CACNB2: variants seen among roughly 807,000 people sequenced by gnomAD.
CACNB2 encodes calcium voltage-gated channel auxiliary subunit beta 2, also known as voltage-dependent L-type calcium channel subunit beta-2.
In CACNB2, 42 loss-of-function variants were observed where a neutral mutation model predicts 73.3. That is an observed-to-expected ratio of 0.57 (90% CI 0.45 to 0.74). The LOEUF is 0.74. CACNB2 is among the 30% of genes least tolerant of loss of function. CACNB2 has a pLI of 0.00. For missense variants in CACNB2, 940 were observed against 853.0 expected, an observed-to-expected ratio of 1.10 and a Z score of -1.27; for synonymous variants, 348 against 310.3, an observed-to-expected ratio of 1.12 and a Z score of -1.28.
chr10:18,539,222 G>C lies in CACNB2; in HGVS notation c.1489-8G>C, dbSNP rs557859826. On this transcript the variant is annotated splice_polypyrimidine_tract_variant and splice_region_variant and intron_variant, in intron 13 of 13. Transcript: ENST00000324631. ...GGTTAACGCCTGGTGTGCTCCTTTC[G>C]CTGCCAGGGTTCTCAAGGTGATCAG... 6.2e-6 allele frequency: 10 copies of C among 1,613,864 alleles called. No homozygotes were observed. The highest frequency in any genetic ancestry group is 5.0e-5 in the Admixed American group (3 of 59,990).
At chr10:18,334,366 A>T (rs2040919890) in intron 2 of CACNB2, among the ~76,000 whole-genome samples, 1 of 152,096 alleles carries the variant, frequency 6.6e-6, no homozygotes, top group African/African-American at 2.4e-5. Flanking sequence ...AGATCCCAGG[A>T]GCTGCTTTTG....
At chr10:18,463,599 T>G (rs1399329918) in intron 3 of CACNB2, among the ~76,000 whole-genome samples, 4 of 147,242 alleles carry the variant, frequency 2.7e-5, no homozygotes, top group African/African-American at 9.9e-5. Context: ...TTTTTTGTTG[T>G]TTTTTGTTTT....
In CACNB2 at chr10:18,421,597, G is replaced by GCCCA. The variant is rs1224159803; in HGVS notation, c.333+19555_333+19558dup. On this transcript the variant is annotated intron_variant, in intron 3 of 13. Coordinates refer to ENST00000324631, the MANE Select transcript of CACNB2 (RefSeq NM_201596.3). ...TTACAGGCCTGAGCCACCGTGCCTG[G>GCCCA]CCCAGTATGGTATTTTTAAAAGGTT... 2.6e-5 allele frequency among the ~76,000 whole-genome samples: 4 copies of GCCCA among 152,182 alleles called. No individual in the cohort carries two copies. In the East Asian group the frequency reaches 5.8e-4, roughly 22 times the overall value.
intron 2 of CACNB2, among the ~76,000 whole-genome samples, chr10:18,274,109 G>A (rs1588907347): frequency 6.6e-6 from 1 of 152,130 alleles, no homozygotes; most frequent in African/African-American, 2.4e-5. Flanking sequence ...TAAGTCGGAT[G>A]TCCTGGGCGC....
At position 18,409,014 on chromosome 10, in the gene CACNB2, C is replaced by T. The variant is rs141798101; in HGVS notation, c.333+6971C>T. Reference sequence around the variant, plus strand: ...ACCACAGGCATGCGCCACCATGCCTCGCTAACATTTTTTAAAATTTTTTTT... The same window carrying T: ...ACCACAGGCATGCGCCACCATGCCTTGCTAACATTTTTTAAAATTTTTTTT... On this transcript the variant is annotated intron_variant, in intron 3 of 13. Transcript: ENST00000324631. Among the ~76,000 whole-genome samples the T allele has an allele frequency of 7.3e-3, 1,103 of 150,536 alleles. 12 individuals carry two copies. Among genetic ancestry groups the T allele is most frequent in the Non-Finnish European group, 0.012 (785 of 67,888 alleles).
intron 2 of CACNB2, among the ~76,000 whole-genome samples, chr10:18,367,204 A>G (rs1482076385): frequency 9.1e-6 from 1 of 109,482 alleles, no homozygotes; most frequent in Non-Finnish European, 1.9e-5. Context: ...TATAAAACAA[A>G]TAGTATTTTT....
Position 18,525,751 on chromosome 10 carries a change from A to T in CACNB2, c.945-1837A>T, listed in dbSNP as rs914688589. ...TGAACTCCTGTAATTTGGAATTTGA[A>T]CCTCTTGGGTTATGTCTACTTTTCT... On this transcript the variant is annotated intron_variant, in intron 9 of 13. Transcript: ENST00000324631. Among the ~76,000 whole-genome samples the T allele has an allele frequency of 4.0e-5, 6 of 150,636 alleles. No homozygotes were observed. The East Asian group carries it at 1.2e-3, about 29-fold the overall frequency.
At chr10:18,288,144 G>A (rs911299820) in intron 2 of CACNB2, among the ~76,000 whole-genome samples, 1 of 152,128 alleles carries the variant, frequency 6.6e-6, no homozygotes, top group Non-Finnish European at 1.5e-5. Context: ...GATTACCTCT[G>A]TAAAGACCTT....
chr10:18,202,618 A>G (rs2034930347), intron 2 of CACNB2, among the ~76,000 whole-genome samples: 1 of 152,236 alleles, frequency 6.6e-6, no homozygotes, highest in African/African-American at 2.4e-5. Flanking sequence ...GATTTAGTAT[A>G]GTTCCTGGAA....
At chr10:18,144,495 C>T (rs1028688942) in intron 1 of CACNB2, among the ~76,000 whole-genome samples, 5 of 152,154 alleles carry the variant, frequency 3.3e-5, no homozygotes, top group African/African-American at 7.2e-5. Flanking sequence ...ACAGTTTCAG[C>T]GTGAACCTGG....
At chr10:18,188,661 G>T (rs1041465068) in intron 2 of CACNB2, among the ~76,000 whole-genome samples, 3 of 151,920 alleles carry the variant, frequency 2.0e-5, no homozygotes, top group African/African-American at 7.3e-5. Context: ...TGCTTATTTT[G>T]GAAAATTTGG....
intron 2 of CACNB2, among the ~76,000 whole-genome samples, chr10:18,197,070 A>G (rs1399575911): frequency 6.6e-6 from 1 of 151,890 alleles, no homozygotes; most frequent in Non-Finnish European, 1.5e-5. Flanking sequence ...CCCATAGGGA[A>G]CCTCATTATG....
intron 2 of CACNB2, among the ~76,000 whole-genome samples, chr10:18,300,723 C>T (rs917855894): frequency 3.3e-5 from 5 of 152,116 alleles, no homozygotes; most frequent in African/African-American, 4.8e-5. Context: ...GTGGTGGGCA[C>T]CTGTAATCCC....
At chr10:18,286,333 G>T (rs538461517) in intron 2 of CACNB2, among the ~76,000 whole-genome samples, 5 of 151,636 alleles carry the variant, frequency 3.3e-5, no homozygotes, top group South Asian at 2.1e-4. Context: ...TGGCTAACAC[G>T]GTGAAACCCC....
At chr10:18,314,383 C>T (rs1589018106) in intron 2 of CACNB2, among the ~76,000 whole-genome samples, 1 of 152,128 alleles carries the variant, frequency 6.6e-6, no homozygotes, top group South Asian at 2.1e-4. Flanking sequence ...TGACTCTGTT[C>T]ACAACATGGG....
intron 3 of CACNB2, among the ~76,000 whole-genome samples, chr10:18,461,142 A>G (rs2047553404): frequency 6.6e-6 from 1 of 151,910 alleles, no homozygotes; most frequent in Non-Finnish European, 1.5e-5. Context: ...TTGATCACCC[A>G]TCCTTACCTG....
intron 2 of CACNB2, among the ~76,000 whole-genome samples, chr10:18,167,483 A>G (rs1192810925): frequency 1.3e-5 from 2 of 152,190 alleles, no homozygotes; most frequent in African/African-American, 4.8e-5. Context: ...GGATAAAGGC[A>G]CAATGATACA....
At chr10:18,323,072 C>T (rs2040454641) in intron 2 of CACNB2, among the ~76,000 whole-genome samples, 1 of 151,188 alleles carries the variant, frequency 6.6e-6, no homozygotes, top group Non-Finnish European at 1.5e-5. Flanking sequence ...AAGCAGTCTC[C>T]AGCCTCAGTT....
chr10:18,339,038 C>G (rs940535233), intron 2 of CACNB2, among the ~76,000 whole-genome samples: 5 of 152,066 alleles, frequency 3.3e-5, no homozygotes, highest in African/African-American at 1.2e-4. Context: ...CCATGCCCAG[C>G]CTGTTTCCCG....
Sources: allele counts gnomAD v4.1 joint callset (sites outside exome capture counted in the v4.1 genomes callset), GRCh38; gene constraint gnomAD v4.1.1; transcripts MANE v1.5; gene names NCBI Gene and HGNC (gene_info 2026-07-23, HGNC 2026-07-21).